LOXHD1: variants seen among roughly 807,000 people sequenced by gnomAD.
The protein encoded by LOXHD1 is lipoxygenase homology PLAT domains 1, also known as lipoxygenase homology domain-containing protein 1.
In LOXHD1, 205 loss-of-function variants were observed where a neutral mutation model predicts 248.2. The ratio of observed to expected loss-of-function variants is 0.83; its 90% confidence interval spans 0.74 to 0.93. LOXHD1 has a LOEUF of 0.93. Among genes scored for constraint, LOXHD1 ranks in the 40% least tolerant of loss-of-function variants. The probability of loss-of-function intolerance (pLI) is 0.00; values close to 1 mark genes in which losing one functional copy is unlikely to be tolerated. For synonymous variants in LOXHD1, 1,113 were observed against 1,162.8 expected (o/e 0.96, Z 0.87); for missense variants, 2,930 against 2,971.6 (o/e 0.99, Z 0.33).
At chr18:46,608,035 GGGAAGGAAGGAAGGAAGGAA>G (rs149739560) in intron 6 of LOXHD1, among the ~76,000 whole-genome samples, 3 of 111,266 alleles carry the variant, frequency 2.7e-5, no homozygotes, top group Non-Finnish European at 5.6e-5. Context: ...GAAGGAAGGA[GGGAAGGAAGGAAGGAAGGAA>G]GGAAGGAAGG....
intron 23 of LOXHD1, among the ~76,000 whole-genome samples, chr18:46,543,108 G>T (rs1040310874): frequency 6.6e-6 from 1 of 152,114 alleles, no homozygotes; most frequent in Non-Finnish European, 1.5e-5. Flanking sequence ...AGATTCTGGT[G>T]CACCATCACC....
At chr18:46,486,475 G>A (rs1172333867) in intron 38 of LOXHD1, among the ~76,000 whole-genome samples, 1 of 152,174 alleles carries the variant, frequency 6.6e-6, no homozygotes, top group Non-Finnish European at 1.5e-5. Flanking sequence ...CTCTGATAGA[G>A]GAAGAGATCC....
At chr18:46,566,171 G>A (rs2144058329) in intron 17 of LOXHD1, 86 bp downstream of exon 17, 1 of 1,419,584 alleles carries the variant, frequency 7.0e-7, no homozygotes, top group Non-Finnish European at 9.5e-7. Flanking sequence ...AGCAAGACCT[G>A]CTTTGCCCCA....
At chr18:46,512,866 G>A (rs1362312160) in intron 34 of LOXHD1, among the ~76,000 whole-genome samples, 1 of 152,136 alleles carries the variant, frequency 6.6e-6, no homozygotes, top group Non-Finnish European at 1.5e-5. Context: ...ATGAAAATGA[G>A]CAAATCACAA....
At chr18:46,578,658 C>T (rs1448715724) in intron 13 of LOXHD1, among the ~76,000 whole-genome samples, 1 of 152,166 alleles carries the variant, frequency 6.6e-6, no homozygotes. Context: ...CCTGACCTCA[C>T]CAAGGAAGTC....
chr18:46,605,547 T>C (rs1304590090), intron 6 of LOXHD1, among the ~76,000 whole-genome samples: 1 of 152,018 alleles, frequency 6.6e-6, no homozygotes, highest in African/African-American at 2.4e-5. Flanking sequence ...AAAAAGTATA[T>C]AGATTTTTAG....
intron 29 of LOXHD1, among the ~76,000 whole-genome samples, chr18:46,526,142 C>T (rs527584060): frequency 1.3e-5 from 2 of 152,304 alleles, no homozygotes; most frequent in South Asian, 4.1e-4. Flanking sequence ...AGAATGGGCC[C>T]ACCCTGAGAT....
chr18:46,595,629 T>G (rs765766124), intron 8 of LOXHD1, among the ~76,000 whole-genome samples: 6 of 152,220 alleles, frequency 3.9e-5, no homozygotes, highest in Non-Finnish European at 8.8e-5. Context: ...AATTTCTATT[T>G]GTGGCTGAGG....
intron 25 of LOXHD1, among the ~76,000 whole-genome samples, chr18:46,541,492 C>T (rs1452503783): frequency 6.6e-6 from 1 of 152,176 alleles, no homozygotes; most frequent in Non-Finnish European, 1.5e-5. Flanking sequence ...TATCTCTATG[C>T]TGCAGATGAG....
intron 12 of LOXHD1, among the ~76,000 whole-genome samples, chr18:46,581,708 T>G (rs750021981): frequency 2.5e-5 from 3 of 122,302 alleles, no homozygotes; most frequent in African/African-American, 6.3e-5. Flanking sequence ...TTCAACAAAC[T>G]CCAAATTATG....
In LOXHD1 at chr18:46,507,646, G is replaced by C. The variant is rs201994383; in HGVS notation, c.5584C>G (p.Arg1862Gly). ...MFYYGDWLSQRKGKKTLVCEM... is the reference protein window; with the variant it reads ...MFYYGDWLSQGKGKKTLVCEM... ...CACACCAGGGTCTTCTTGCCCTTCC[G>C]CTGGGACAGCCAGTCTCCATAGTAG... Residue 1862 changes from arginine to glycine, a missense_variant, in exon 36 of 41, where the codon CGG (arginine) becomes GGG (glycine). By Grantham distance (125) the Arg-to-Gly change is moderately radical (BLOSUM62 -2). Coordinates refer to ENST00000642948, the MANE Select transcript of LOXHD1 (RefSeq NM_001384474.1). 2.6e-6 allele frequency: 4 copies of C among 1,551,656 alleles called. No individual in the cohort carries two copies. Among genetic ancestry groups the C allele is most frequent in the African/African-American group, 1.4e-5 (1 of 73,166 alleles).
chr18:46,543,614 G>C (rs1003918900), intron 23 of LOXHD1, among the ~76,000 whole-genome samples: 4 of 151,876 alleles, frequency 2.6e-5, no homozygotes, highest in African/African-American at 7.3e-5. Flanking sequence ...TCCTCTCCCT[G>C]TGTCCATGTG....
At chr18:46,647,954 A>G (rs996626108) in intron 2 of LOXHD1, among the ~76,000 whole-genome samples, 9 of 152,308 alleles carry the variant, frequency 5.9e-5, no homozygotes, top group Admixed American at 1.3e-4. Flanking sequence ...AAATGTCTAC[A>G]TCAATAATGT....
At chr18:46,561,442 G>T (rs1411159126) in intron 18 of LOXHD1, among the ~76,000 whole-genome samples, 1 of 152,162 alleles carries the variant, frequency 6.6e-6, no homozygotes, top group African/African-American at 2.4e-5. Context: ...GGTAGGGTCT[G>T]GTCCGTCCCC....
chr18:46,611,440 T>C (rs1403218503), intron 5 of LOXHD1, among the ~76,000 whole-genome samples: 1 of 152,224 alleles, frequency 6.6e-6, no homozygotes, highest in Non-Finnish European at 1.5e-5. Flanking sequence ...ATTAACTCCG[T>C]CTTGCAAATG....
rs146970161 is a variant in LOXHD1, at chr18:46,499,030, T to G, written c.5878+6808A>C. On this transcript the variant is annotated intron_variant, in intron 37 of 40. Coordinates refer to ENST00000642948, the MANE Select transcript of LOXHD1 (RefSeq NM_001384474.1). ...GGATCCAGAAGCTGCTACAAGCTGATGTTCAACATTAATTTACTTATTCAT... is the reference window on the plus strand; with the variant it reads ...GGATCCAGAAGCTGCTACAAGCTGAGGTTCAACATTAATTTACTTATTCAT... Among the ~76,000 whole-genome samples, 36 of 152,322 alleles carry G rather than the reference T, an allele frequency of 2.4e-4. No homozygotes were observed. The East Asian group carries it at 5.4e-3, about 23-fold the overall frequency.
intron 4 of LOXHD1, among the ~76,000 whole-genome samples, chr18:46,628,522 G>T (rs1194719177): frequency 6.6e-6 from 1 of 152,228 alleles, no homozygotes; most frequent in Admixed American, 6.5e-5. Context: ...GGGAAAAGAG[G>T]CTTTCCCTGC....
At chr18:46,515,366 C>A (rs143352504) in intron 34 of LOXHD1, among the ~76,000 whole-genome samples, 1 of 152,114 alleles carries the variant, frequency 6.6e-6, no homozygotes, top group African/African-American at 2.4e-5. Flanking sequence ...AGGCCACATG[C>A]AAATGAAAAA....
In LOXHD1 at chr18:46,559,218, T is replaced by G. The variant is rs142302535; in HGVS notation, c.3216+230A>C. The G allele has an allele frequency of 4.7e-3, 6,991 of 1,489,742 alleles. 23 individuals are homozygous for G. The highest frequency in any genetic ancestry group is 5.8e-3 in the Non-Finnish European group (6,527 of 1,118,078). The allele number at this position is 1,489,742 out of a possible 1,614,324, so 92.3% of individuals were successfully genotyped here. On this transcript the variant is annotated intron_variant, in intron 20 of 40. Transcript: ENST00000642948. ...CAACGCCATTCTCTGTTTGTTCCTG[T>G]GGGTCAGCTGGCCCATGGGCTCTAG... is the stretch of plus-strand genomic sequence containing the variant.
Sources: gnomAD v4.1 joint callset for allele counts (sites outside exome capture counted in the v4.1 genomes callset) on GRCh38, gnomAD v4.1.1 for gene constraint, MANE v1.5 for transcripts, NCBI Gene and HGNC (gene_info 2026-07-23, HGNC 2026-07-21) for gene names.